The following IPP variants were observed in gnomAD, a reference collection of about 807,000 sequenced individuals.
IPP encodes the protein intracisternal A particle-promoted polypeptide, also known as actin-binding protein IPP.
A neutral mutation model predicts 64.1 loss-of-function variants in IPP; 41 were observed. That is an observed-to-expected ratio of 0.64 (90% CI 0.50 to 0.83). The LOEUF is 0.83. Ranked by LOEUF, IPP falls within the 40% of genes least tolerant of loss-of-function variation. The probability of loss-of-function intolerance (pLI) is 0.00; values close to 1 mark genes in which losing one functional copy is unlikely to be tolerated. For missense variants in IPP, 649 were observed against 703.0 expected (o/e 0.92, Z 0.87); for synonymous variants, 214 against 235.2 (o/e 0.91, Z 0.83).
chr1:45,728,238 G>A (rs888230043), intron 4 of IPP, among the ~76,000 whole-genome samples: 5 of 149,456 alleles, frequency 3.3e-5, no homozygotes, highest in Admixed American at 6.7e-5. Flanking sequence ...GCTTACTGCA[G>A]CCTCGATCTT....
chr1:45,695,805 G>C (rs1193665831), downstream of IPP, among the ~76,000 whole-genome samples: 1 of 152,128 alleles, frequency 6.6e-6, no homozygotes, highest in Admixed American at 6.5e-5. Flanking sequence ...GAGTACCTGG[G>C]ATTACAGGCA....
chr1:45,726,084 A>AT (rs1235695041), intron 5 of IPP, among the ~76,000 whole-genome samples: 3 of 148,442 alleles, frequency 2.0e-5, no homozygotes, highest in Non-Finnish European at 3.0e-5. Context: ...AGAATGATCA[A>AT]TAAAAAAAAT....
downstream of IPP, among the ~76,000 whole-genome samples, chr1:45,698,375 G>A (rs894357373): frequency 4.6e-5 from 7 of 152,062 alleles, no homozygotes; most frequent in African/African-American, 1.2e-4. Flanking sequence ...AAAAGTAACC[G>A]CATCATACAC....
At chr1:45,724,933 T>G (rs1198901154) in intron 5 of IPP, among the ~76,000 whole-genome samples, 11 of 85,128 alleles carry the variant, frequency 1.3e-4, no homozygotes, top group South Asian at 4.0e-4. Flanking sequence ...GTCCGGGAGG[T>G]GAGGGGCTCC....
chr1:45,738,850 A>AAAAAAC (rs1646017267), intron 3 of IPP, among the ~76,000 whole-genome samples: 5 of 139,186 alleles, frequency 3.6e-5, no homozygotes, highest in South Asian at 2.3e-4. Flanking sequence ...AAAAAAAAAA[A>AAAAAAC]AAAAAAAAAA....
chr1:45,718,570 C>G (rs895731131), intron 6 of IPP, among the ~76,000 whole-genome samples: 3 of 152,180 alleles, frequency 2.0e-5, no homozygotes, highest in African/African-American at 7.2e-5. Context: ...AGGAGCACCC[C>G]CTCCAATCCC....
At chr1:45,745,052 C>T (rs868356958) in intron 2 of IPP, among the ~76,000 whole-genome samples, 11 of 152,124 alleles carry the variant, frequency 7.2e-5, no homozygotes, top group African/African-American at 9.6e-5. Flanking sequence ...CAGAGAGAGA[C>T]CCTGTCTCAA....
In IPP at chr1:45,716,877, A is replaced by G; in HGVS notation, c.1309+18T>C. ...TCAGAACTACATTTTGAGGAAAAAT[A>G]TTTTATAAAGTGATTACCTTGCATT... On this transcript the variant is annotated intron_variant, in intron 7 of 8. Coordinates refer to ENST00000396478, the MANE Select transcript of IPP (RefSeq NM_005897.3). 2 of 1,589,090 alleles carry G rather than the reference A, an allele frequency of 1.3e-6. No individual in the cohort carries two copies. The highest frequency in any genetic ancestry group is 2.3e-5 in the South Asian group (2 of 87,126).
At chr1:45,749,173 C>CA (rs1285502126) in intron 1 of IPP, among the ~76,000 whole-genome samples, 1 of 152,152 alleles carries the variant, frequency 6.6e-6, no homozygotes, top group Non-Finnish European at 1.5e-5. Flanking sequence ...CAAGCACAGC[C>CA]ACTGAGCTAA....
intron 7 of IPP, among the ~76,000 whole-genome samples, chr1:45,716,206 GA>G (rs536350755): frequency 4.3e-4 from 65 of 151,756 alleles, no homozygotes; most frequent in African/African-American, 1.5e-3. Context: ...GTACTTTGTA[GA>G]AAAAAAACGC....
intron 3 of IPP, 60 bp from the exon 4 acceptor site, chr1:45,729,829 A>G (rs955275544): frequency 1.5e-4 from 149 of 974,766 alleles, no homozygotes; most frequent in Non-Finnish European, 2.0e-4. Context: ...TTGAAAAAAC[A>G]CATTTCTATA....
chr1:45,750,382 C>A (rs1646205458), intron 1 of IPP, among the ~76,000 whole-genome samples: 1 of 152,090 alleles, frequency 6.6e-6, no homozygotes, highest in African/African-American at 2.4e-5. Flanking sequence ...CCAGTTGGGG[C>A]GGGGGAGGCA....
At chr1:45,694,484 C>T, downstream of IPP, 4 of 1,546,672 alleles carry the variant, frequency 2.6e-6, no homozygotes, top group Non-Finnish European at 3.5e-6. Context: ...TATTCTCCCA[C>T]TTCAAGCGGA....
chr1:45,741,139 A>C lies in IPP; in HGVS notation c.486T>G (p.Ile162Met), dbSNP rs1310270564. The C allele has an allele frequency of 4.3e-6, 7 of 1,614,030 alleles. No homozygotes were observed. Among genetic ancestry groups the C allele is most frequent in the Non-Finnish European group, 5.9e-6 (7 of 1,180,014 alleles). ...HDLLEFSENY[I>M]HVHFLEVHSG... ...TATGAACCTCCAAGAAATGGACATG[A>C]ATGTAGTTTTCTGAGAATTCCAAGA... The change falls in exon 3 of 9, where the codon ATT becomes ATG. Residue 162 changes from isoleucine (I) to methionine (M), a missense_variant. Coordinates refer to ENST00000396478, the MANE Select transcript of IPP (RefSeq NM_005897.3).
At chr1:45,726,842 G>C (rs1010484876) in intron 5 of IPP, among the ~76,000 whole-genome samples, 16 of 150,310 alleles carry the variant, frequency 1.1e-4, no homozygotes, top group Admixed American at 3.3e-4. Flanking sequence ...TCCTGCCTCA[G>C]CCTCCTGAGT....
At chr1:45,732,382 A>AAAAAAAC (rs1275318052) in intron 3 of IPP, among the ~76,000 whole-genome samples, 1 of 146,374 alleles carries the variant, frequency 6.8e-6, no homozygotes, top group African/African-American at 2.5e-5. Context: ...AAAAAAAAAC[A>AAAAAAAC]CAAAAAACAA....
intron 1 of IPP, among the ~76,000 whole-genome samples, chr1:45,748,471 C>T (rs1392414428): frequency 6.6e-6 from 1 of 151,744 alleles, no homozygotes; most frequent in Non-Finnish European, 1.5e-5. Flanking sequence ...AGTTTGAGAC[C>T]AGTCTGGGCA....
At chr1:45,743,954 T>C (rs1358576208) in intron 2 of IPP, among the ~76,000 whole-genome samples, 1 of 151,758 alleles carries the variant, frequency 6.6e-6, no homozygotes, top group East Asian at 1.9e-4. Context: ...GAGGCAGACG[T>C]TGCAGTGAGC....
intron 1 of IPP, among the ~76,000 whole-genome samples, chr1:45,749,289 T>C (rs1646183485): frequency 6.6e-6 from 1 of 152,132 alleles, no homozygotes; most frequent in Non-Finnish European, 1.5e-5. Flanking sequence ...GCTGATACCA[T>C]CCCACTGTCA....
Sources: allele counts gnomAD v4.1 joint callset (sites outside exome capture counted in the v4.1 genomes callset), GRCh38; gene constraint gnomAD v4.1.1; transcripts MANE v1.5; gene names NCBI Gene and HGNC (gene_info 2026-07-23, HGNC 2026-07-21).